SYT2: variants seen among roughly 807,000 people sequenced by gnomAD.
The protein encoded by SYT2 is synaptotagmin-2.
SYT2 carries 15 observed loss-of-function variants against 39.9 expected under a neutral mutation model. That is an observed-to-expected ratio of 0.38 (90% CI 0.25 to 0.58). SYT2 has a LOEUF of 0.58. SYT2 is among the 20% of genes least tolerant of loss of function. SYT2 has a pLI of 0.70. For missense variants in SYT2, 389 were observed against 530.3 expected, an observed-to-expected ratio of 0.73 and a Z score of 2.62; for synonymous variants, 181 against 204.5, an observed-to-expected ratio of 0.89 and a Z score of 0.98.
chr1:202,694,935 T>A (rs1265909482), intron 1 of SYT2, among the ~76,000 whole-genome samples: 1 of 152,134 alleles, frequency 6.6e-6, no homozygotes, highest in East Asian at 1.9e-4. Flanking sequence ...GATAGTCAAT[T>A]TACCTTTTCT....
At chr1:202,654,980 G>C (rs1361097382) in intron 1 of SYT2, among the ~76,000 whole-genome samples, 1 of 152,084 alleles carries the variant, frequency 6.6e-6, no homozygotes, top group African/African-American at 2.4e-5. Flanking sequence ...AGGATAAAGG[G>C]GCACTAAAAG....
At chr1:202,638,697 C>T (rs1432003448) in intron 1 of SYT2, among the ~76,000 whole-genome samples, 1 of 152,178 alleles carries the variant, frequency 6.6e-6, no homozygotes, top group Non-Finnish European at 1.5e-5. Context: ...TGCTCACACC[C>T]GAGGCCCTAC....
chr1:202,602,615 C>T, intron 4 of SYT2, 70 bp from the exon 5 acceptor site: 1 of 1,466,650 alleles, frequency 6.8e-7, no homozygotes, highest in Admixed American at 2.1e-5. Flanking sequence ...GGCCCCAGAC[C>T]CAGCACCCAC....
rs1690961817 is a variant in SYT2, at chr1:202,614,094, T to C, written c.-17-8305A>G. Among the ~76,000 whole-genome samples, 1 of 152,200 alleles carries C rather than the reference T, an allele frequency of 6.6e-6. No homozygotes were observed. The highest frequency in any genetic ancestry group is 6.5e-5 in the Admixed American group (1 of 15,276). On this transcript the variant is annotated intron_variant, in intron 1 of 8. Transcript: ENST00000367268. This position sits in a 1 kb window ranked among gnomAD's most constrained non-coding sequence, Gnocchi z 4.0. Reference sequence around the variant, plus strand: ...AGAGGGACCCAAGGTTCATGGTGGATGCAGGCCTTCTCTCCAGACTGACCG... The same window carrying C: ...AGAGGGACCCAAGGTTCATGGTGGACGCAGGCCTTCTCTCCAGACTGACCG...
chr1:202,640,734 CAGAG>C (rs56979202), intron 1 of SYT2, among the ~76,000 whole-genome samples: 5,526 of 90,346 alleles, frequency 0.061, 233 homozygotes, highest in Non-Finnish European at 0.083. Flanking sequence ...TCCTAATGGT[CAGAG>C]AGAGAGAGAG....
intron 1 of SYT2, among the ~76,000 whole-genome samples, chr1:202,627,765 C>T (rs1302443282): frequency 1.3e-5 from 2 of 152,176 alleles, no homozygotes; most frequent in African/African-American, 4.8e-5. Context: ...CTTTCGTTTC[C>T]TCCAAATCCT....
At chr1:202,644,472 C>A (rs1381917777) in intron 1 of SYT2, among the ~76,000 whole-genome samples, 2 of 152,264 alleles carry the variant, frequency 1.3e-5, no homozygotes, top group East Asian at 3.9e-4. Context: ...CCAACCTCAC[C>A]CGATAAGACC....
At chr1:202,701,437 TTC>T (rs1446873038) in intron 1 of SYT2, among the ~76,000 whole-genome samples, 1 of 152,258 alleles carries the variant, frequency 6.6e-6, no homozygotes, top group Non-Finnish European at 1.5e-5. Context: ...TTATGTGTAC[TTC>T]TCATTCCATC....
chr1:202,608,728 C>T (rs995436458), intron 1 of SYT2, among the ~76,000 whole-genome samples: 53 of 152,028 alleles, frequency 3.5e-4, no homozygotes, highest in Non-Finnish European at 6.2e-4. Context: ...TAAGTTTTTG[C>T]GTGGACATAT....
intron 1 of SYT2, among the ~76,000 whole-genome samples, chr1:202,657,310 C>G (rs1271191406): frequency 6.6e-6 from 1 of 152,190 alleles, no homozygotes; most frequent in Non-Finnish European, 1.5e-5. Flanking sequence ...TCAAGGGCAC[C>G]CTTTAGAAGA....
chr1:202,705,882 A>G (rs1161945981), intron 1 of SYT2, among the ~76,000 whole-genome samples: 4 of 152,116 alleles, frequency 2.6e-5, no homozygotes, highest in African/African-American at 9.7e-5. Flanking sequence ...TTGTAGAGAC[A>G]GGGTCTCCAT....
chr1:202,602,671 G>A (rs1690551751), intron 4 of SYT2, 126 bp from the exon 5 acceptor site: 4 of 959,424 alleles, frequency 4.2e-6, no homozygotes, highest in Admixed American at 5.4e-5. Context: ...AATGGCGGGA[G>A]GCTGGTGCTA....
chr1:202,635,208 T>C (rs1253014078), intron 1 of SYT2, among the ~76,000 whole-genome samples: 3 of 152,190 alleles, frequency 2.0e-5, no homozygotes, highest in Admixed American at 1.3e-4. Flanking sequence ...GGACTTTGTG[T>C]TGTCGAACTC....
At chr1:202,636,146 C>T (rs1271808789) in intron 1 of SYT2, among the ~76,000 whole-genome samples, 1 of 152,108 alleles carries the variant, frequency 6.6e-6, no homozygotes, top group Non-Finnish European at 1.5e-5. Context: ...TGTACAACTA[C>T]AGACTGCATT....
intron 1 of SYT2, among the ~76,000 whole-genome samples, chr1:202,657,381 G>C (rs1028508601): frequency 6.6e-6 from 1 of 152,222 alleles, no homozygotes; most frequent in African/African-American, 2.4e-5. Context: ...CTCCCAGTGA[G>C]ATCTGAAGTC....
intron 2 of SYT2, chr1:202,605,323 G>A (rs546973488): frequency 2.0e-4 from 58 of 286,480 alleles, no homozygotes; most frequent in Non-Finnish European, 1.1e-4. Context: ...ATTTTTCATC[G>A]CCTTTTGGTT....
At position 202,614,390 on chromosome 1, in the gene SYT2, C is replaced by G. The variant is rs1181020840; in HGVS notation, c.-17-8601G>C. On this transcript the variant is annotated intron_variant, in intron 1 of 8. Transcript: ENST00000367268. This position sits in a 1 kb window ranked among gnomAD's most constrained non-coding sequence, Gnocchi z 4.0. ...GAGCAGGGAGGTTGGTTCCACAGAC[C>G]AGAAATGGTAAAGACCTGCACTAGG... 6.6e-6 allele frequency among the ~76,000 whole-genome samples: 1 copy of G among 152,066 alleles called. No homozygotes were observed.
intron 1 of SYT2, among the ~76,000 whole-genome samples, chr1:202,701,531 A>T (rs1376577776): frequency 6.6e-6 from 1 of 152,222 alleles, no homozygotes; most frequent in East Asian, 1.9e-4. Flanking sequence ...AAAAGAAGAC[A>T]TTCTTAACTG....
Position 202,601,958 on chromosome 1 carries a change from T to A in SYT2, c.733A>T (p.Met245Leu). The A allele has an allele frequency of 1.2e-6, 2 of 1,614,204 alleles. No homozygotes were observed. The highest frequency in any genetic ancestry group is 1.7e-6 in the Non-Finnish European group (2 of 1,180,036). ...GGCTGGCCGAGGTCCACTGTGTTCA[T>A]AGGCACCTTTACCTCTCCAATGATG... ...HDIIGEVKVP[M>L]NTVDLGQPIE... The change falls in exon 6 of 9, where the codon ATG (methionine) becomes TTG (leucine). Residue 245 changes from methionine to leucine, a missense_variant. Met to Leu is a conservative substitution (Grantham distance 15, BLOSUM62 2). Around this residue, in one of 4 missense-constraint regions of SYT2, gnomAD observed 280 missense variants for 335.6 expected, o/e 0.83. Transcript: ENST00000367268. The surrounding 1 kb of genome is among the most constrained non-coding windows in gnomAD (Gnocchi z 4.0).
Sources: allele counts gnomAD v4.1 joint callset (sites outside exome capture counted in the v4.1 genomes callset), GRCh38; gene constraint gnomAD v4.1.1; regional missense constraint gnomAD v4.1.1; non-coding constraint Gnocchi (gnomAD v3.1); transcripts MANE v1.5; gene names NCBI Gene and HGNC (gene_info 2026-07-23, HGNC 2026-07-21).